TMED3: variants seen among roughly 807,000 people sequenced by gnomAD.
The protein encoded by TMED3 is transmembrane emp24 domain-containing protein 3.
In TMED3, 9 loss-of-function variants were observed where a neutral mutation model predicts 15.0. The ratio of observed to expected loss-of-function variants is 0.60; its 90% CI spans 0.36 to 1.04. The LOEUF (loss-of-function observed/expected upper bound fraction) is 1.04, where lower values mean the gene tolerates loss of function less well. TMED3 is among the 50% of genes least tolerant of loss of function. The probability of loss-of-function intolerance (pLI) is 0.01; values close to 1 mark genes in which losing one functional copy is unlikely to be tolerated. For missense variants in TMED3, 267 were observed against 278.9 expected, an observed-to-expected ratio of 0.96 and a Z score of 0.30; for synonymous variants, 117 against 121.4, an observed-to-expected ratio of 0.96 and a Z score of 0.24.
At chr15:79,360,672 G>A (rs183721086) in intron 2 of TMED3, among the ~76,000 whole-genome samples, 5 of 151,204 alleles carry the variant, frequency 3.3e-5, no homozygotes, top group Admixed American at 3.3e-4. Context: ...AGCGATGCAG[G>A]TGTCCAAAAG....
At chr15:79,367,446 C>T (rs1196706579) in intron 2 of TMED3, among the ~76,000 whole-genome samples, 1 of 152,198 alleles carries the variant, frequency 6.6e-6, no homozygotes, top group Non-Finnish European at 1.5e-5. Flanking sequence ...CAAATCCTGG[C>T]AGCATCTAAC....
intron 2 of TMED3, among the ~76,000 whole-genome samples, chr15:79,342,540 G>A (rs2141229458): frequency 6.6e-6 from 1 of 152,184 alleles, no homozygotes; most frequent in African/African-American, 2.4e-5. Flanking sequence ...TACCTTAAGG[G>A]AGTCCTTTGA....
At chr15:79,353,055 ATG>A (rs1244818229) in intron 2 of TMED3, among the ~76,000 whole-genome samples, 64 of 107,358 alleles carry the variant, frequency 6.0e-4, no homozygotes, top group African/African-American at 2.3e-3. Context: ...TATATAAAAA[ATG>A]TATATATAAA....
intron 2 of TMED3, among the ~76,000 whole-genome samples, chr15:79,372,626 CT>C (rs1893360473): frequency 6.6e-6 from 1 of 152,168 alleles, no homozygotes; most frequent in South Asian, 2.1e-4. Context: ...ACCACCAGAT[CT>C]TGTGAGACTC....
At chr15:79,408,764 G>GA (rs1893934485) in intron 2 of TMED3, among the ~76,000 whole-genome samples, 1 of 152,170 alleles carries the variant, frequency 6.6e-6, no homozygotes. Flanking sequence ...CAAGTGGTGA[G>GA]AATTCCTGCC....
chr15:79,364,569 G>A (rs571957843), intron 2 of TMED3, among the ~76,000 whole-genome samples: 1 of 151,820 alleles, frequency 6.6e-6, no homozygotes, highest in East Asian at 1.9e-4. Flanking sequence ...GGCCTGCCAT[G>A]CCCCGATCCT....
intron 2 of TMED3, among the ~76,000 whole-genome samples, chr15:79,362,786 C>T (rs1046368594): frequency 1.6e-4 from 24 of 152,334 alleles, no homozygotes; most frequent in African/African-American, 4.3e-4. Flanking sequence ...CTTCCTCTGT[C>T]TTCTGCCATG....
chr15:79,334,752 A>C (rs2058821449), intron 2 of TMED3, among the ~76,000 whole-genome samples: 2 of 152,240 alleles, frequency 1.3e-5, no homozygotes, highest in African/African-American at 4.8e-5. Flanking sequence ...CAGGAAGTCA[A>C]ACAGTGCACA....
chr15:79,402,510 G>C (rs1053021426), intron 2 of TMED3, among the ~76,000 whole-genome samples: 1 of 152,178 alleles, frequency 6.6e-6, no homozygotes, highest in African/African-American at 2.4e-5. Context: ...ATGGGCACAG[G>C]GGCTCACACC....
chr15:79,318,150 C>T (rs1165883437), intron 2 of TMED3, among the ~76,000 whole-genome samples: 2 of 152,270 alleles, frequency 1.3e-5, no homozygotes, highest in East Asian at 3.9e-4. Flanking sequence ...TCCATCAGGG[C>T]TCAGCTTGTC....
At chr15:79,380,624 TG>T (rs1311996705) in intron 2 of TMED3, among the ~76,000 whole-genome samples, 1 of 150,136 alleles carries the variant, frequency 6.7e-6, no homozygotes, top group African/African-American at 2.5e-5. Context: ...GTATATTTTC[TG>T]GGGCTCATTT....
Position 79,322,636 on chromosome 15 carries a change from C to G in TMED3, c.*422C>G, listed in dbSNP as rs907956248. On this transcript the variant is annotated 3_prime_UTR_variant, in exon 3 of 3. Transcript: ENST00000299705. ...ATGGAGAAGAAAGGGGCTCTAAGTT[C>G]TGGCTCTTCTTTCTTTGGGGTTCTC... The G allele has an allele frequency of 1.0e-6, 1 of 992,340 alleles. No individual in the cohort carries two copies. The highest frequency in any genetic ancestry group is 1.2e-6 in the Non-Finnish European group (1 of 834,874). 61.5% of individuals were successfully genotyped at this position (992,340 alleles called of 1,614,324 possible). A position where few individuals can be genotyped will look rare whatever the true frequency, so the allele number is the denominator to read the frequency against.
intron 2 of TMED3, among the ~76,000 whole-genome samples, chr15:79,352,266 G>A (rs1215135457): frequency 6.6e-6 from 1 of 152,062 alleles, no homozygotes; most frequent in East Asian, 1.9e-4. Context: ...ATAGACCATT[G>A]TTTCTGAACT....
At chr15:79,377,925 C>T (rs1342107923) in intron 2 of TMED3, among the ~76,000 whole-genome samples, 2 of 152,204 alleles carry the variant, frequency 1.3e-5, no homozygotes, top group Non-Finnish European at 2.9e-5. Flanking sequence ...GGATTACAGG[C>T]GTGAGCCACC....
At chr15:79,315,428 G>A (rs1342099804) in intron 2 of TMED3, among the ~76,000 whole-genome samples, 1 of 152,156 alleles carries the variant, frequency 6.6e-6, no homozygotes, top group African/African-American at 2.4e-5. Context: ...CCGAGGGTGT[G>A]TATTGTGTGT....
At chr15:79,372,405 C>T (rs1893356453) in intron 2 of TMED3, among the ~76,000 whole-genome samples, 1 of 152,206 alleles carries the variant, frequency 6.6e-6, no homozygotes, top group African/African-American at 2.4e-5. Flanking sequence ...CTTCTCCTCT[C>T]CTCTCCCTCC....
At chr15:79,331,693 A>G (rs1022246043) in intron 2 of TMED3, among the ~76,000 whole-genome samples, 2 of 152,236 alleles carry the variant, frequency 1.3e-5, no homozygotes, top group African/African-American at 2.4e-5. Flanking sequence ...AAGGAACTCA[A>G]ACATATCAAA....
intron 2 of TMED3, among the ~76,000 whole-genome samples, chr15:79,389,881 T>C (rs1316510108): frequency 3.3e-5 from 5 of 152,148 alleles, no homozygotes; most frequent in Admixed American, 3.3e-4. Flanking sequence ...TTGATTCGAT[T>C]CTCCACTTGG....
At chr15:79,386,163 T>G (rs1476446640) in intron 2 of TMED3, among the ~76,000 whole-genome samples, 1 of 152,206 alleles carries the variant, frequency 6.6e-6, no homozygotes, top group Non-Finnish European at 1.5e-5. Context: ...TTTTAATGGG[T>G]ACGGAGTTTC....
Sources: gnomAD v4.1 joint callset for allele counts (sites outside exome capture counted in the v4.1 genomes callset) on GRCh38, gnomAD v4.1.1 for gene constraint, MANE v1.5 for transcripts, NCBI Gene and HGNC (gene_info 2026-07-23, HGNC 2026-07-21) for gene names.